Variants in AGBL4 observed in about 807,000 individuals in gnomAD.
AGBL4 encodes the protein cytosolic carboxypeptidase 6.
A neutral mutation model predicts 66.4 loss-of-function variants in AGBL4; 58 were observed. That is an observed-to-expected ratio of 0.87 (90% CI 0.71 to 1.09). The LOEUF is 1.09. Among genes scored for constraint, AGBL4 ranks in the 50% least tolerant of loss-of-function variants. The pLI is 0.00. For missense variants in AGBL4, 579 were observed against 631.0 expected, an observed-to-expected ratio of 0.92 and a Z score of 0.88; for synonymous variants, 234 against 222.9, an observed-to-expected ratio of 1.05 and a Z score of -0.44.
intron 1 of AGBL4, chr1:49,994,500 G>A (rs1422356751): frequency 6.6e-6 from 1 of 152,180 alleles, no homozygotes; most frequent in Non-Finnish European, 1.5e-5. Context: ...GATTTCTTGA[G>A]CCCAGGAGTT....
chr1:49,744,985 G>A (rs1650870651), intron 2 of AGBL4, among the ~76,000 whole-genome samples: 1 of 151,924 alleles, frequency 6.6e-6, no homozygotes, highest in African/African-American at 2.4e-5. Context: ...TGATAGTAGT[G>A]AAGAAATAGA....
At chr1:49,361,045 A>C (rs1355744223) in intron 3 of AGBL4, among the ~76,000 whole-genome samples, 1 of 151,976 alleles carries the variant, frequency 6.6e-6, no homozygotes, top group African/African-American at 2.4e-5. Flanking sequence ...TGATCTGCCC[A>C]CCTCAGCCTC....
At chr1:48,666,702 C>T (rs1471606874) in intron 6 of AGBL4, among the ~76,000 whole-genome samples, 4 of 152,212 alleles carry the variant, frequency 2.6e-5, no homozygotes, top group African/African-American at 7.2e-5. Flanking sequence ...CTAGTTCTTA[C>T]AGCTAATTTG....
At chr1:48,687,915 C>T (rs1322370523) in intron 6 of AGBL4, among the ~76,000 whole-genome samples, 2 of 152,250 alleles carry the variant, frequency 1.3e-5, no homozygotes, top group Non-Finnish European at 2.9e-5. Flanking sequence ...CTTGACAGAA[C>T]AGCTGCTCCT....
intron 4 of AGBL4, among the ~76,000 whole-genome samples, chr1:49,080,124 A>T (rs997062174): frequency 1.3e-5 from 2 of 152,170 alleles, no homozygotes; most frequent in African/African-American, 2.4e-5. Context: ...TGAACAGAGG[A>T]AATTTCTCAA....
At chr1:48,638,392 T>A (rs1478590127) in intron 8 of AGBL4, among the ~76,000 whole-genome samples, 1 of 152,224 alleles carries the variant, frequency 6.6e-6, no homozygotes, top group Non-Finnish European at 1.5e-5. Context: ...GCTTCTGTTT[T>A]ATCATATGTA....
chr1:49,490,535 T>G (rs1416518748), intron 3 of AGBL4, among the ~76,000 whole-genome samples: 1 of 151,858 alleles, frequency 6.6e-6, no homozygotes, highest in Non-Finnish European at 1.5e-5. Context: ...CAAAGTTTGC[T>G]AGCCTCTTTA....
In AGBL4 at chr1:49,235,997, G is replaced by GATTTATTTATTT. The variant is rs3052026; in HGVS notation, c.377+9761_377+9772dup. Among the ~76,000 whole-genome samples, 322 of 148,486 alleles carry GATTTATTTATTT rather than the reference G, an allele frequency of 2.2e-3. 3 individuals are homozygous for GATTTATTTATTT. Among genetic ancestry groups the GATTTATTTATTT allele is most frequent in the South Asian group, 5.3e-3 (24 of 4,558 alleles). On this transcript the variant is annotated intron_variant, in intron 4 of 13. Coordinates refer to ENST00000371839, the MANE Select transcript of AGBL4 (RefSeq NM_032785.4). ...TCAGGTCAAATTATTCATTTTGAAG[G>GATTTATTTATTT]ATTTATTTATTTATTTATTTATTTA...
At chr1:48,786,202 A>G (rs1645403592) in intron 6 of AGBL4, among the ~76,000 whole-genome samples, 1 of 152,216 alleles carries the variant, frequency 6.6e-6, no homozygotes, top group South Asian at 2.1e-4. Flanking sequence ...AACAGAACTA[A>G]TGATTATTGA....
chr1:48,841,319 C>T (rs1646793726), intron 6 of AGBL4, among the ~76,000 whole-genome samples: 1 of 151,504 alleles, frequency 6.6e-6, no homozygotes, highest in African/African-American at 2.4e-5. Context: ...CTACCTAGTA[C>T]TTGAGGCCTC....
chr1:49,601,945 T>C lies in AGBL4; in HGVS notation c.282+95368A>G, dbSNP rs891740750. On this transcript the variant is annotated intron_variant, in intron 3 of 13. Transcript: ENST00000371839. The stretch of plus-strand genomic sequence containing the variant: ...ACAGAATGGAAGAAAAATCTTGCAA[T>C]CTATCCATCTGACAAAGGGCTAATA... Among the ~76,000 whole-genome samples the C allele has an allele frequency of 2.0e-5, 3 of 152,212 alleles. No homozygotes were observed. The South Asian group carries it at 6.2e-4, about 32-fold the overall frequency.
At chr1:48,833,429 G>C (rs1237168927) in intron 6 of AGBL4, among the ~76,000 whole-genome samples, 1 of 152,148 alleles carries the variant, frequency 6.6e-6, no homozygotes, top group Admixed American at 6.6e-5. Flanking sequence ...ATGTGTAAAA[G>C]AACTAGCTTG....
In AGBL4 at chr1:49,045,792, A is replaced by G; in HGVS notation, c.386T>C (p.Leu129Pro). ...GTAGTAGTAAACATTTTTGGGTGGC[A>G]GCCTTTGCCTAAAATATATAAACAA... The part of the protein sequence containing the change: ...KSTSRPKWQR[L>P]PPKNVYYYRC... Residue 129 changes from leucine to proline, a missense_variant, in exon 5 of 14, where the codon CTG (leucine) becomes CCG (proline). Leu to Pro is a moderately conservative substitution (Grantham distance 98). Transcript: ENST00000371839. 1.3e-6 allele frequency: 2 copies of G among 1,551,080 alleles called. No homozygotes were observed. Among genetic ancestry groups the G allele is most frequent in the Non-Finnish European group, 1.7e-6 (2 of 1,146,538 alleles).
intron 5 of AGBL4, among the ~76,000 whole-genome samples, chr1:48,939,294 G>T (rs916594410): frequency 6.6e-6 from 1 of 152,196 alleles, no homozygotes; most frequent in Non-Finnish European, 1.5e-5. Context: ...ATCACATAAC[G>T]TGTAGACAGG....
intron 4 of AGBL4, among the ~76,000 whole-genome samples, chr1:49,135,729 G>A (rs192257111): frequency 7.2e-5 from 11 of 152,190 alleles, no homozygotes; most frequent in East Asian, 1.9e-4. Flanking sequence ...GTGGTTTTCC[G>A]CCCTGGGCGG....
chr1:49,744,875 T>G, intron 2 of AGBL4, among the ~76,000 whole-genome samples: 1 of 152,080 alleles, frequency 6.6e-6, no homozygotes, highest in Non-Finnish European at 1.5e-5. Flanking sequence ...TTTTATCTGT[T>G]AAGGTTAATC....
intron 3 of AGBL4, among the ~76,000 whole-genome samples, chr1:49,604,623 G>C (rs887581437): frequency 5.9e-5 from 9 of 151,988 alleles, no homozygotes; most frequent in African/African-American, 2.2e-4. Flanking sequence ...TGCTTTAGGG[G>C]TCTTAATTTT....
At chr1:49,391,315 T>A (rs552655082) in intron 3 of AGBL4, among the ~76,000 whole-genome samples, 6 of 152,216 alleles carry the variant, frequency 3.9e-5, no homozygotes, top group Admixed American at 6.5e-5. Context: ...TGGTTAAAGG[T>A]CTTTTTGATC....
rs1553243605 is a variant in AGBL4, at chr1:48,846,362, G to GAAGAAGA, written c.634+20828_634+20829insTCTTCTT. On this transcript the variant is annotated intron_variant, in intron 6 of 13. Coordinates refer to ENST00000371839, the MANE Select transcript of AGBL4 (RefSeq NM_032785.4). ...AAAAAGAAAAGAAAGGAGAAAGAAA[G>GAAGAAGA]AAGAAAGAAAGAAAGAAAGAAAGAA... Among the ~76,000 whole-genome samples the GAAGAAGA allele has an allele frequency of 3.2e-3, 377 of 118,668 alleles. 1 individual carries two copies. The highest frequency in any genetic ancestry group is 0.011 in the African/African-American group (347 of 32,164). 77.9% of individuals were successfully genotyped at this position (118,668 alleles called of 152,430 possible).
Sources: allele counts gnomAD v4.1 joint callset (sites outside exome capture counted in the v4.1 genomes callset), GRCh38; gene constraint gnomAD v4.1.1; transcripts MANE v1.5; gene names NCBI Gene and HGNC (gene_info 2026-07-23, HGNC 2026-07-21).